The following SLC30A3 variants were observed in gnomAD, a reference collection of about 807,000 sequenced individuals.
The protein encoded by SLC30A3 is solute carrier family 30 member 3, also known as probable proton-coupled zinc antiporter SLC30A3.
A neutral mutation model predicts 35.6 loss-of-function variants in SLC30A3; 20 were observed. The observed-to-expected ratio is 0.56, with a 90% CI of 0.39 to 0.82. SLC30A3 has a LOEUF of 0.82. Ranked by LOEUF, SLC30A3 falls within the 40% of genes least tolerant of loss-of-function variation. The pLI, the probability that SLC30A3 is intolerant of heterozygous loss-of-function variation, is 0.00. For synonymous variants in SLC30A3, 217 were observed against 224.7 expected (o/e 0.97, Z 0.31); for missense variants, 401 against 530.6 (o/e 0.76, Z 2.40).
chr2:27,264,834 T>C (rs114561490), upstream of SLC30A3, among the ~76,000 whole-genome samples: 1,645 of 152,338 alleles, frequency 0.011, 17 homozygotes, highest in Non-Finnish European at 0.017. The surrounding 1 kb of genome is among the most constrained non-coding windows in gnomAD (Gnocchi z 6.1). Context: ...TTCGGGCTAC[T>C]TATCAGAGCC....
chr2:27,256,600 C>T, intron 6 of SLC30A3, 80 bp from the exon 7 acceptor site: 1 of 1,579,244 alleles, frequency 6.3e-7, no homozygotes, highest in South Asian at 1.1e-5. Context: ...GATTCCACCT[C>T]CCCTATCCTG....
chr2:27,263,006 C>T lies in SLC30A3; in HGVS notation c.-100G>A, dbSNP rs1268922314. The T allele has an allele frequency of 2.1e-6, 3 of 1,413,330 alleles. No homozygotes were observed. Among genetic ancestry groups the T allele is most frequent in the African/African-American group, 3.1e-5 (2 of 65,298 alleles). The allele number at this position is 1,413,330 out of a possible 1,614,324, so 87.5% of individuals were successfully genotyped here. On this transcript the variant is annotated 5_prime_UTR_variant, in exon 1 of 8. Transcript: ENST00000233535. Reference sequence around the variant, plus strand: ...AGCCCGCCGACCCCCGGGATCCCCGCAGGGCGGCGGGGCCACCAGAGTGGA... The same window carrying T: ...AGCCCGCCGACCCCCGGGATCCCCGTAGGGCGGCGGGGCCACCAGAGTGGA...
At chr2:27,270,958 G>A (rs140937684) in intron 1 of SLC30A3, among the ~76,000 whole-genome samples, 16 of 152,246 alleles carry the variant, frequency 1.1e-4, no homozygotes, top group African/African-American at 3.9e-4. Context: ...TGTAGATTTG[G>A]ACTTTAAAGT....
At position 27,262,697 on chromosome 2, in the gene SLC30A3, G is replaced by A; in HGVS notation, c.95+115C>T. On this transcript the variant is annotated intron_variant, in intron 1 of 7. Coordinates refer to ENST00000233535, the MANE Select transcript of SLC30A3 (RefSeq NM_003459.5). This position sits in a 1 kb window ranked among gnomAD's most constrained non-coding sequence, Gnocchi z 7.5. ...ATGAAGCGGGGTGCAGCGGAGCGAG[G>A]GACCCGCGGTGCGCTGGGGCGGCCG... 1 of 1,020,012 alleles carries A rather than the reference G, an allele frequency of 9.8e-7. No individual in the cohort carries two copies. The highest frequency in any genetic ancestry group is 1.4e-6 in the Non-Finnish European group (1 of 736,166). 63.2% of individuals were successfully genotyped at this position (1,020,012 alleles called of 1,614,324 possible).
upstream of SLC30A3, chr2:27,275,352 C>T (rs879883434): frequency 1.8e-6 from 1 of 545,320 alleles, no homozygotes; most frequent in Non-Finnish European, 3.1e-6. Context: ...CCTCCGCTCT[C>T]GCTTCCCTGC....
intron 1 of SLC30A3, among the ~76,000 whole-genome samples, chr2:27,272,115 C>T (rs1369705666): frequency 6.6e-6 from 1 of 152,198 alleles, no homozygotes; most frequent in Non-Finnish European, 1.5e-5. Context: ...TTCAACCAAC[C>T]AACATTTACT....
At chr2:27,256,292 A>G in intron 7 of SLC30A3, 94 bp downstream of exon 7, 7 of 1,437,818 alleles carry the variant, frequency 4.9e-6, no homozygotes, top group Non-Finnish European at 6.8e-6. Flanking sequence ...CAGATCAAAA[A>G]AGACTGAAAC....
chr2:27,262,774 G>C lies in SLC30A3; in HGVS notation c.95+38C>G. 2 of 1,482,420 alleles carry C rather than the reference G, an allele frequency of 1.3e-6. No homozygotes were observed. The highest frequency in any genetic ancestry group is 1.8e-6 in the Non-Finnish European group (2 of 1,121,190). 91.8% of individuals were successfully genotyped at this position (1,482,420 alleles called of 1,614,324 possible). ...GAAATGGACGGAGGGTAGTAGGGTGGCGCCCCCGGGCCGAGGGCCAGCCCA... is the reference window on the plus strand; with the variant it reads ...GAAATGGACGGAGGGTAGTAGGGTGCCGCCCCCGGGCCGAGGGCCAGCCCA... On this transcript the variant is annotated intron_variant, in intron 1 of 7. Coordinates refer to ENST00000233535, the MANE Select transcript of SLC30A3 (RefSeq NM_003459.5). This position sits in a 1 kb window ranked among gnomAD's most constrained non-coding sequence, Gnocchi z 7.5.
Position 27,262,743 on chromosome 2 carries a change from G to T in SLC30A3, c.95+69C>A. On this transcript the variant is annotated intron_variant, in intron 1 of 7. Transcript: ENST00000233535. This position sits in a 1 kb window ranked among gnomAD's most constrained non-coding sequence, Gnocchi z 7.5. ...GGCCGCCGGGGCCCGCGCCGAGAGA[G>T]ACAACGAAATGGACGGAGGGTAGTA... 1 of 1,402,008 alleles carries T rather than the reference G, an allele frequency of 7.1e-7. No homozygotes were observed. 86.8% of individuals were successfully genotyped at this position (1,402,008 alleles called of 1,614,324 possible).
In SLC30A3 at chr2:27,256,434, A is replaced by T. The variant is rs1319340436; in HGVS notation, c.970T>A (p.Trp324Arg). ...ACATGGTAAGTGAGCGTAAGGGCCCACAGGTGCAGCTCATGGGTTGCCCGG... is the reference window on the plus strand; with the variant it reads ...ACATGGTAAGTGAGCGTAAGGGCCCTCAGGTGCAGCTCATGGGTTGCCCGG... ...GVRATHELHL[W>R]ALTLTYHVAS... The change falls in exon 7 of 8, where the codon TGG becomes AGG. Residue 324 changes from tryptophan (W) to arginine (R), a missense_variant. Transcript: ENST00000233535. 1 of 1,614,120 alleles carries T rather than the reference A, an allele frequency of 6.2e-7. No homozygotes were observed. Among genetic ancestry groups the T allele is most frequent in the Non-Finnish European group, 8.5e-7 (1 of 1,180,016 alleles).
rs1279123156 is a variant in SLC30A3, at chr2:27,275,176, C to T, written c.-159+1G>A. 1 of 1,303,922 alleles carries T rather than the reference C, an allele frequency of 7.7e-7. No individual in the cohort carries two copies. Among genetic ancestry groups the T allele is most frequent in the Admixed American group, 2.3e-5 (1 of 43,566 alleles). 80.8% of individuals were successfully genotyped at this position (1,303,922 alleles called of 1,614,324 possible). ...TTAAGAAGGGCATGCAGCAGCCATA[C>T]CTCTCATCCGCCACGGTCAGCAAAC... On this transcript the variant is annotated splice_donor_variant, in intron 1 of 5. Transcript: ENST00000424577. LOFTEE classifies it low-confidence loss of function (5UTR_SPLICE).
In SLC30A3 at chr2:27,255,305, C is replaced by T. The variant is rs1364641104; in HGVS notation, c.*7G>A. On this transcript the variant is annotated 3_prime_UTR_variant, in exon 8 of 8. Coordinates refer to ENST00000233535, the MANE Select transcript of SLC30A3 (RefSeq NM_003459.5). The surrounding 1 kb of genome is among the most constrained non-coding windows in gnomAD (Gnocchi z 5.2). ...GCCTGGCAGTGGGGTGAGGGCAGGG[C>T]CATGGCTCAGGCTTGGGGGGGTTCC... is the stretch of plus-strand genomic sequence containing the variant. 2 of 1,613,750 alleles carry T rather than the reference C, an allele frequency of 1.2e-6. No individual in the cohort carries two copies. Among genetic ancestry groups the T allele is most frequent in the East Asian group, 4.5e-5 (2 of 44,874 alleles).
upstream of SLC30A3, chr2:27,264,173 T>A: frequency 1.5e-6 from 1 of 685,746 alleles, no homozygotes. The surrounding 1 kb of genome is among the most constrained non-coding windows in gnomAD (Gnocchi z 6.1). Context: ...GGGGAGCGAG[T>A]GAGCAGGGAT....
Position 27,262,913 on chromosome 2 carries a change from G to T in SLC30A3, c.-7C>A. 6.4e-7 allele frequency: 1 copy of T among 1,554,262 alleles called. No individual in the cohort carries two copies. The highest frequency in any genetic ancestry group is 8.6e-7 in the Non-Finnish European group (1 of 1,157,684). On this transcript the variant is annotated 5_prime_UTR_variant, in exon 1 of 8. Transcript: ENST00000233535. The surrounding 1 kb of genome is among the most constrained non-coding windows in gnomAD (Gnocchi z 7.5). ...CGGCTGGAGAGGGCTCCATGTTCCC[G>T]GTGCCCCGACCGTCTAGGCCCCACC... is the stretch of plus-strand genomic sequence containing the variant.
In SLC30A3 at chr2:27,258,043, A is replaced by T; in HGVS notation, c.440T>A (p.Leu147Ter). ...GWHRSETLGALASVVSLWMVT... is the reference protein window; with the variant it reads ...GWHRSETLGA ...CATCCAGAGGGAGACCACAGAGGCC[A>T]AAGCCCCCAGAGTCTCTGCGGGTGG... Residue 147 changes from leucine to a stop codon, truncating the protein, a stop_gained, in exon 4 of 8, where the codon TTG becomes TAG. Coordinates refer to ENST00000233535, the MANE Select transcript of SLC30A3 (RefSeq NM_003459.5). LOFTEE classifies it high-confidence loss of function. The surrounding 1 kb of genome is among the most constrained non-coding windows in gnomAD (Gnocchi z 4.0). 1 of 1,614,158 alleles carries T rather than the reference A, an allele frequency of 6.2e-7. No homozygotes were observed. The highest frequency in any genetic ancestry group is 8.5e-7 in the Non-Finnish European group (1 of 1,179,988).
At chr2:27,259,123 C>A in intron 1 of SLC30A3, 189 bp from the exon 2 acceptor site, 1 of 523,620 alleles carries the variant, frequency 1.9e-6, no homozygotes, top group Non-Finnish European at 3.4e-6. Flanking sequence ...GCCCAGCCTC[C>A]CTTTTCCTTC....
upstream of SLC30A3, chr2:27,263,328 A>T (rs1238604374): frequency 2.1e-6 from 1 of 469,170 alleles, no homozygotes; most frequent in Non-Finnish European, 4.3e-6. Context: ...CCTGAAGCCC[A>T]AGAACCTCAC....
rs1381492748 is a variant in SLC30A3 at position 27,258,525 on chromosome 2, G to GT, written c.278-219dup. 1 of 656,752 alleles carries GT rather than the reference G, an allele frequency of 1.5e-6. No homozygotes were observed. The highest frequency in any genetic ancestry group is 1.8e-5 in the African/African-American group (1 of 54,272). 40.7% of individuals were successfully genotyped at this position (656,752 alleles called of 1,614,324 possible). Reference sequence around the variant, plus strand: ...TTTATTTTAATAACAAGAAAATAGGGTTTTTAAAAGAAGTCAGCCCTGACC... The same window carrying GT: ...TTTATTTTAATAACAAGAAAATAGGGTTTTTTAAAAGAAGTCAGCCCTGACC... On this transcript the variant is annotated intron_variant, in intron 2 of 7. Coordinates refer to ENST00000233535, the MANE Select transcript of SLC30A3 (RefSeq NM_003459.5). This position sits in a 1 kb window ranked among gnomAD's most constrained non-coding sequence, Gnocchi z 4.0.
chr2:27,257,732 T>C lies in SLC30A3; in HGVS notation c.578+173A>G. ...AGGCCCTTGACAGAGATCTGCTGAC[T>C]GAATTTTAGGTCTCTATCCCAGACC... is the stretch of plus-strand genomic sequence containing the variant. On this transcript the variant is annotated intron_variant, in intron 4 of 7. Coordinates refer to ENST00000233535, the MANE Select transcript of SLC30A3 (RefSeq NM_003459.5). The surrounding 1 kb of genome is among the most constrained non-coding windows in gnomAD (Gnocchi z 4.7). The C allele has an allele frequency of 3.0e-6, 2 of 668,384 alleles. No individual in the cohort carries two copies. The highest frequency in any genetic ancestry group is 5.0e-6 in the Non-Finnish European group (2 of 397,882). The allele number at this position is 668,384 out of a possible 1,614,324, so 41.4% of individuals were successfully genotyped here.
Sources: allele counts gnomAD v4.1 joint callset (sites outside exome capture counted in the v4.1 genomes callset), GRCh38; gene constraint gnomAD v4.1.1; non-coding constraint Gnocchi (gnomAD v3.1); transcripts MANE v1.5; gene names NCBI Gene and HGNC (gene_info 2026-07-23, HGNC 2026-07-21).